Variants in CATSPERD observed in about 807,000 individuals in gnomAD.
CATSPERD encodes cation channel sperm-associated auxiliary subunit delta.
Under a neutral mutation model 98.1 loss-of-function variants are expected in CATSPERD, and 86 were observed. The ratio of observed to expected loss-of-function variants is 0.88; its 90% CI spans 0.74 to 1.05. The LOEUF is 1.05. CATSPERD is among the 50% of genes least tolerant of loss of function. The pLI, the probability that CATSPERD is intolerant of heterozygous loss-of-function variation, is 0.00. For synonymous variants in CATSPERD, 394 were observed against 390.2 expected, an observed-to-expected ratio of 1.01 and a Z score of -0.12; for missense variants, 995 against 1,005.7, an observed-to-expected ratio of 0.99 and a Z score of 0.14.
intron 2 of CATSPERD, among the ~76,000 whole-genome samples, chr19:5,725,138 A>C (rs747092321): frequency 6.6e-6 from 1 of 152,160 alleles, no homozygotes; most frequent in Non-Finnish European, 1.5e-5. Flanking sequence ...TGTTCTGTTT[A>C]CTTCTCTCTC....
chr19:5,751,253 G>C (rs1357476628), intron 11 of CATSPERD, among the ~76,000 whole-genome samples: 1 of 129,218 alleles, frequency 7.7e-6, no homozygotes, highest in African/African-American at 2.9e-5. Context: ...GGCCTGGCGC[G>C]GTGGCTCACG....
intron 7 of CATSPERD, among the ~76,000 whole-genome samples, chr19:5,742,751 T>C (rs2056013831): frequency 6.6e-6 from 1 of 152,114 alleles, no homozygotes; most frequent in Non-Finnish European, 1.5e-5. Context: ...ATCGTGCCAC[T>C]GCACTCTAGC....
intron 13 of CATSPERD, among the ~76,000 whole-genome samples, chr19:5,754,536 T>A (rs890041311): frequency 1.3e-5 from 2 of 151,402 alleles, no homozygotes; most frequent in Non-Finnish European, 2.9e-5. Flanking sequence ...GTAGCTGGGA[T>A]TACCAGCATG....
At position 5,778,321 on chromosome 19, in the gene CATSPERD, C is replaced by T. The variant is rs569464570; in HGVS notation, c.2097-55C>T. ...CTGAACACCTTTGCCAGAGATAAGG[C>T]GAAGTCCCCCAAAGGCAATGCCCAA... is the stretch of plus-strand genomic sequence containing the variant. On this transcript the variant is annotated intron_variant, in intron 21 of 21. Coordinates refer to ENST00000381624, the MANE Select transcript of CATSPERD (RefSeq NM_152784.4). 1.2e-4 allele frequency: 178 copies of T among 1,514,380 alleles called. No homozygotes were observed. The African/African-American group carries it at 1.9e-3, about 17-fold the overall frequency. 93.8% of individuals were successfully genotyped at this position (1,514,380 alleles called of 1,614,324 possible). A position where few individuals can be genotyped will look rare whatever the true frequency, so the allele number is the denominator to read the frequency against.
chr19:5,729,766 C>T, intron 3 of CATSPERD, 106 bp from the exon 4 acceptor site: 1 of 648,580 alleles, frequency 1.5e-6, no homozygotes, highest in South Asian at 2.1e-5. Flanking sequence ...CTCCTGGTTA[C>T]AATACAAATT....
At position 5,765,951 on chromosome 19, in the gene CATSPERD, G is replaced by A. The variant is rs1023538130; in HGVS notation, c.1507-152G>A. On this transcript the variant is annotated intron_variant, in intron 16 of 21. Transcript: ENST00000381624. ...GCTCCGCGGGGCCAGCTGCAGTTAC[G>A]GTGCATCCCAGGCATCCAGGGACAC... The A allele has an allele frequency of 3.4e-5, 16 of 468,108 alleles. No individual in the cohort carries two copies. The Admixed American group carries it at 3.9e-4, about 12-fold the overall frequency. 29.0% of individuals were successfully genotyped at this position (468,108 alleles called of 1,614,324 possible).
chr19:5,741,646 T>G lies in CATSPERD; in HGVS notation c.573+2207T>G, dbSNP rs544133302. ...ATTCAAACCATAGCAGGAAACTGACTTGGAAGTAGGGCCTTTGCAGATGTA... is the reference window on the plus strand; with the variant it reads ...ATTCAAACCATAGCAGGAAACTGACGTGGAAGTAGGGCCTTTGCAGATGTA... On this transcript the variant is annotated intron_variant, in intron 7 of 21. Coordinates refer to ENST00000381624, the MANE Select transcript of CATSPERD (RefSeq NM_152784.4). Among the ~76,000 whole-genome samples the G allele has an allele frequency of 2.1e-4, 32 of 151,972 alleles. No homozygotes were observed. In the East Asian group the frequency reaches 6.0e-3, roughly 28 times the overall value.
rs898930971 is a variant in CATSPERD at position 5,757,861 on chromosome 19, C to G, written c.1297C>G (p.His433Asp). 6.2e-7 allele frequency: 1 copy of G among 1,613,118 alleles called. No individual in the cohort carries two copies. Among genetic ancestry groups the G allele is most frequent in the African/African-American group, 1.3e-5 (1 of 74,868 alleles). The change falls in exon 14 of 22, where the codon CAC becomes GAC. Residue 433 changes from histidine (H) to aspartate (D), a missense_variant. This residue lies in a region of CATSPERD where 762 missense variants were observed against 773.7 expected (regional missense o/e 0.98). Transcript: ENST00000381624. ...CTCCCAGGTGATGGTGAGCAACCCC[C>G]ACTCCCTGGGGTTCCAGGCCACCTT... ...LIPLVMVSNP[H>D]SLGFQATFYE...
At chr19:5,761,416 A>AATGGATGGATGGATGGATGG (rs550185518) in intron 15 of CATSPERD, among the ~76,000 whole-genome samples, 1 of 19,818 alleles carries the variant, frequency 5.0e-5, no homozygotes, top group African/African-American at 1.5e-4. Flanking sequence ...TTCAGAAATT[A>AATGGATGGATGGATGGATGG]ATGGATGGAT....
rs1451292831 is a variant in CATSPERD, at chr19:5,729,956, A to T, written c.276+12A>T. On this transcript the variant is annotated intron_variant, in intron 4 of 21. Transcript: ENST00000381624. ...CTACATCAATGCAGGTAGTTATTTT[A>T]CTGAGTGATCTGAAGGATGCTAGTA... The T allele has an allele frequency of 6.9e-7, 1 of 1,448,266 alleles. No individual in the cohort carries two copies. Among genetic ancestry groups the T allele is most frequent in the African/African-American group, 1.4e-5 (1 of 71,628 alleles). The allele number at this position is 1,448,266 out of a possible 1,614,324, so 89.7% of individuals were successfully genotyped here. A position where few individuals can be genotyped will look rare whatever the true frequency, so the allele number is the denominator to read the frequency against.
rs2055437412 is a variant in CATSPERD at position 5,720,671 on chromosome 19, T to C, written c.-67T>C. 2 of 1,484,172 alleles carry C rather than the reference T, an allele frequency of 1.3e-6. No individual in the cohort carries two copies. Among genetic ancestry groups the C allele is most frequent in the Non-Finnish European group, 1.8e-6 (2 of 1,081,910 alleles). 91.9% of individuals were successfully genotyped at this position (1,484,172 alleles called of 1,614,324 possible). On this transcript the variant is annotated 5_prime_UTR_variant, in exon 1 of 22. Coordinates refer to ENST00000381624, the MANE Select transcript of CATSPERD (RefSeq NM_152784.4). ...CATGCGCAGGGCTTCAGCCTGCACG[T>C]ACTCGGATTGTGCAGCGACTCCCCG...
intron 15 of CATSPERD, among the ~76,000 whole-genome samples, chr19:5,761,966 G>C (rs2056442968): frequency 2.8e-5 from 4 of 145,040 alleles, no homozygotes; most frequent in Non-Finnish European, 1.5e-5. Flanking sequence ...TTGAACTCCT[G>C]ATCTCAGGTG....
intron 16 of CATSPERD, among the ~76,000 whole-genome samples, chr19:5,763,862 T>TTTTTG (rs2056489787): frequency 7.1e-6 from 1 of 141,140 alleles, no homozygotes; most frequent in African/African-American, 2.6e-5. Flanking sequence ...TTTTTTTTTT[T>TTTTTG]TTTGACATGG....
At chr19:5,762,617 GTGGA>G (rs543017321) in intron 15 of CATSPERD, among the ~76,000 whole-genome samples, 48 of 151,668 alleles carry the variant, frequency 3.2e-4, no homozygotes, top group Admixed American at 6.6e-4. Context: ...GGATGGGTGG[GTGGA>G]TGGATGGATG....
chr19:5,754,692 C>G (rs1305088887), intron 13 of CATSPERD, among the ~76,000 whole-genome samples: 1 of 149,722 alleles, frequency 6.7e-6, no homozygotes, highest in Non-Finnish European at 1.5e-5. Context: ...GCCACCATGC[C>G]CAGCCATTTC....
intron 11 of CATSPERD, among the ~76,000 whole-genome samples, chr19:5,749,949 G>GCC (rs2056172769): frequency 6.6e-6 from 1 of 150,846 alleles, no homozygotes; most frequent in East Asian, 2.0e-4. Context: ...GATTACAGGC[G>GCC]CATGCCACCA....
intron 7 of CATSPERD, 64 bp downstream of exon 7, chr19:5,739,503 C>T: frequency 1.1e-6 from 1 of 946,672 alleles, no homozygotes; most frequent in South Asian, 1.4e-5. Flanking sequence ...GTAGTAATTG[C>T]TGTCAATGGG....
chr19:5,721,112 C>G (rs1232955862), intron 1 of CATSPERD, among the ~76,000 whole-genome samples: 2 of 151,270 alleles, frequency 1.3e-5, no homozygotes, highest in Non-Finnish European at 2.9e-5. Context: ...CATTCTCCTG[C>G]CTCAGCCTCC....
chr19:5,737,978 G>T (rs915968468), intron 6 of CATSPERD, among the ~76,000 whole-genome samples: 1 of 152,030 alleles, frequency 6.6e-6, no homozygotes, highest in Non-Finnish European at 1.5e-5. Flanking sequence ...AAAGGTTTTG[G>T]GGACGTTTTC....
Sources: allele counts gnomAD v4.1 joint callset (sites outside exome capture counted in the v4.1 genomes callset), GRCh38; gene constraint gnomAD v4.1.1; regional missense constraint gnomAD v4.1.1; transcripts MANE v1.5; gene names NCBI Gene and HGNC (gene_info 2026-07-23, HGNC 2026-07-21).